The following BRMS1 variants were observed in gnomAD, a reference collection of about 807,000 sequenced individuals.
The protein encoded by BRMS1 is BRMS1 transcriptional repressor and anoikis regulator.
BRMS1 carries 26 observed loss-of-function variants against 40.4 expected under a neutral mutation model. The observed-to-expected ratio is 0.64, with a 90% CI of 0.47 to 0.89. The LOEUF is 0.89. BRMS1 is among the 40% of genes least tolerant of loss of function. The probability of loss-of-function intolerance (pLI) is 0.00; values close to 1 mark genes in which losing one functional copy is unlikely to be tolerated. For missense variants in BRMS1, 289 were observed against 309.4 expected, an observed-to-expected ratio of 0.93 and a Z score of 0.49; for synonymous variants, 103 against 116.0, an observed-to-expected ratio of 0.89 and a Z score of 0.72.
At chr11:66,342,066 G>GTGTGTA (rs771494290) in intron 2 of BRMS1, 30 bp downstream of exon 2, 4 of 1,605,274 alleles carry the variant, frequency 2.5e-6, no homozygotes, top group Non-Finnish European at 3.4e-6. Context: ...CTGTGTGTGT[G>GTGTGTA]TGTGTGTGTC....
chr11:66,340,880 G>T lies in BRMS1; in HGVS notation c.439-10C>A. The T allele has an allele frequency of 6.2e-7, 1 of 1,613,978 alleles. No individual in the cohort carries two copies. The highest frequency in any genetic ancestry group is 8.5e-7 in the Non-Finnish European group (1 of 1,179,928). On this transcript the variant is annotated splice_polypyrimidine_tract_variant and intron_variant, in intron 5 of 9. Transcript: ENST00000359957. ...GCAGCAGCTTCTCACTCTGGAAGAG[G>T]GGGCAATAGCTCAGCAGGACGGATG...
chr11:66,342,231 G>C lies in BRMS1; in HGVS notation c.4C>G (p.Pro2Ala), dbSNP rs772080474. Residue 2 changes from proline to alanine, a missense_variant, in exon 2 of 10, where the codon CCT becomes GCT. Transcript: ENST00000359957. ...GTGTCTTTGCTTGGAGGCTGGACAG[G>C]CATCTGGACTCTGGGAGAAGGAATG... is the stretch of plus-strand genomic sequence containing the variant. M[P>A]VQPPSKDTEE... 3 of 1,612,774 alleles carry C rather than the reference G, an allele frequency of 1.9e-6. No individual in the cohort carries two copies. In the South Asian group the frequency reaches 3.3e-5, roughly 18 times the overall value.
intron 6 of BRMS1, 62 bp downstream of exon 6, chr11:66,340,708 CCCAA>C: frequency 7.3e-7 from 1 of 1,377,264 alleles, no homozygotes; most frequent in Non-Finnish European, 1.0e-6. Context: ...ACATCTGAAG[CCCAA>C]AGAGGGGTGG....
chr11:66,340,716 G>A (rs569385160), intron 6 of BRMS1, 58 bp downstream of exon 6: 2 of 1,425,370 alleles, frequency 1.4e-6, no homozygotes, highest in East Asian at 2.4e-5. Flanking sequence ...AGCCCAAAGA[G>A]GGGTGGGCGT....
At chr11:66,337,922 C>T (rs768863303) in intron 9 of BRMS1, 33 bp from the exon 10 acceptor site, 1 of 1,593,730 alleles carries the variant, frequency 6.3e-7, no homozygotes. Context: ...AAACTGTCAC[C>T]AGTTAGGAAG....
chr11:66,337,600 G>T lies in BRMS1; in HGVS notation c.*282C>A. 1 of 1,268,782 alleles carries T rather than the reference G, an allele frequency of 7.9e-7. No homozygotes were observed. The highest frequency in any genetic ancestry group is 1.1e-6 in the Non-Finnish European group (1 of 927,468). The allele number at this position is 1,268,782 out of a possible 1,614,324, so 78.6% of individuals were successfully genotyped here. On this transcript the variant is annotated 3_prime_UTR_variant, in exon 10 of 10. Transcript: ENST00000359957. ...CTTCTCTGTCAGGGGAGCCCCAAGAGATGGATCTTCAGGAGTGGGAGGTGG... is the reference window on the plus strand; with the variant it reads ...CTTCTCTGTCAGGGGAGCCCCAAGATATGGATCTTCAGGAGTGGGAGGTGG...
Position 66,341,782 on chromosome 11 carries a change from C to T in BRMS1, c.140-159G>A, listed in dbSNP as rs1477214164. On this transcript the variant is annotated intron_variant, in intron 2 of 9. Coordinates refer to ENST00000359957, the MANE Select transcript of BRMS1 (RefSeq NM_015399.4). The surrounding 1 kb of genome is among the most constrained non-coding windows in gnomAD (Gnocchi z 4.9). ...CTTGTGTGAAGGGGCTGTGTGTGTG[C>T]GTGTGTGCTTGTGTGTAGGGGCTGT... Among the ~76,000 whole-genome samples the T allele has an allele frequency of 2.8e-5, 4 of 144,912 alleles. No homozygotes were observed. The highest frequency in any genetic ancestry group is 1.0e-4 in the African/African-American group (4 of 38,774).
At chr11:66,340,261 C>A in intron 6 of BRMS1, 48 bp from the exon 7 acceptor site, 2 of 1,523,444 alleles carry the variant, frequency 1.3e-6, no homozygotes, top group Non-Finnish European at 1.8e-6. Flanking sequence ...CCACAGGATA[C>A]TCCCTTTTCT....
At chr11:66,339,378 T>TGG (rs1449119062) in intron 7 of BRMS1, among the ~76,000 whole-genome samples, 1 of 151,894 alleles carries the variant, frequency 6.6e-6, no homozygotes, top group Non-Finnish European at 1.5e-5. Flanking sequence ...TAGGAAGGGG[T>TGG]GGAGGCAGCC....
chr11:66,341,315 C>T lies in BRMS1; in HGVS notation c.249G>A (p.Leu83=). The change falls in exon 4 of 10, where the codon CTG becomes CTA. Residue 83 remains leucine, a synonymous_variant. Coordinates refer to ENST00000359957, the MANE Select transcript of BRMS1 (RefSeq NM_015399.4). This position sits in a 1 kb window ranked among gnomAD's most constrained non-coding sequence, Gnocchi z 4.9. The part of the protein sequence containing the change: ...ELKEKLFRER[L]SQLRLRLEEV... ...CCTCCAGCCGCAACCGCAGCTGACT[C>T]AGTCGTTCCCTGAACAACCTGCGTG... 1 of 1,613,054 alleles carries T rather than the reference C, an allele frequency of 6.2e-7. No individual in the cohort carries two copies. The highest frequency in any genetic ancestry group is 1.1e-5 in the South Asian group (1 of 91,050).
At chr11:66,338,891 G>T in intron 7 of BRMS1, 106 bp from the exon 8 acceptor site, 2 of 1,198,102 alleles carry the variant, frequency 1.7e-6, no homozygotes, top group Non-Finnish European at 2.3e-6. Flanking sequence ...TGGAGTGGGA[G>T]CTGAGGACCT....
chr11:66,338,292 T>A lies in BRMS1; in HGVS notation c.694-10A>T. 1 of 1,607,034 alleles carries A rather than the reference T, an allele frequency of 6.2e-7. No individual in the cohort carries two copies. The highest frequency in any genetic ancestry group is 1.1e-5 in the South Asian group (1 of 89,616). ...ACACAGCTGCCCTAGCCTGGGTGGG[T>A]GAGAAGAAAAGCTCCCCTGAGAGCC... On this transcript the variant is annotated splice_polypyrimidine_tract_variant and intron_variant, in intron 8 of 9. Coordinates refer to ENST00000359957, the MANE Select transcript of BRMS1 (RefSeq NM_015399.4).
rs181277867 is a variant in BRMS1, at chr11:66,343,387, C to A, written c.-7-1146G>T. 1.1e-3 allele frequency among the ~76,000 whole-genome samples: 174 copies of A among 152,318 alleles called. 2 individuals carry two copies. Among genetic ancestry groups the A allele is most frequent in the Non-Finnish European group, 4.4e-4 (30 of 68,022 alleles). On this transcript the variant is annotated intron_variant, in intron 1 of 9. Coordinates refer to ENST00000359957, the MANE Select transcript of BRMS1 (RefSeq NM_015399.4). The stretch of plus-strand genomic sequence containing the variant: ...CTAACATATGCTAGGTACCGTCAGA[C>A]GCTATGGTATGCAGGCGCCCAAGTG...
rs1363304016 is a variant in BRMS1 at position 66,342,676 on chromosome 11, C to T, written c.-7-435G>A. Among the ~76,000 whole-genome samples the T allele has an allele frequency of 3.9e-5, 6 of 152,346 alleles. No homozygotes were observed. The South Asian group carries it at 1.2e-3, about 32-fold the overall frequency. On this transcript the variant is annotated intron_variant, in intron 1 of 9. Coordinates refer to ENST00000359957, the MANE Select transcript of BRMS1 (RefSeq NM_015399.4). The stretch of plus-strand genomic sequence containing the variant: ...CCTCCTCCTGGGTTCAAGCGATTCT[C>T]CTGCCTCAGCCTCCTGAGTAGTGAG...
At chr11:66,338,821 C>T in intron 7 of BRMS1, 36 bp from the exon 8 acceptor site, 1 of 1,516,326 alleles carries the variant, frequency 6.6e-7, no homozygotes, top group Non-Finnish European at 8.8e-7. Context: ...GTGGAGGTGG[C>T]AGGTGACGAG....
intron 1 of BRMS1, among the ~76,000 whole-genome samples, chr11:66,344,105 A>C (rs557519813): frequency 1.3e-5 from 2 of 152,308 alleles, no homozygotes; most frequent in East Asian, 3.9e-4. Context: ...GCCTGTTCTC[A>C]TATCTGTCCC....
In BRMS1 at chr11:66,341,143, GA is replaced by G; in HGVS notation, c.358+62del. ...AGGGCAAGGCCGGGCAGGAACGAGA[GA>G]GGAAGGGGACAGGGTGCCACGGGTT... On this transcript the variant is annotated intron_variant, in intron 4 of 9. Transcript: ENST00000359957. The surrounding 1 kb of genome is among the most constrained non-coding windows in gnomAD (Gnocchi z 4.9). 6.2e-7 allele frequency: 1 copy of G among 1,612,460 alleles called. No homozygotes were observed. The highest frequency in any genetic ancestry group is 8.5e-7 in the Non-Finnish European group (1 of 1,179,046).
At chr11:66,340,682 T>TC (rs1247456722) in intron 6 of BRMS1, 92 bp downstream of exon 6, 16 of 1,101,820 alleles carry the variant, frequency 1.5e-5, no homozygotes, top group Non-Finnish European at 1.8e-5. Context: ...CCTCTGGCTG[T>TC]CCCCTTGACT....
chr11:66,340,920 C>T, intron 5 of BRMS1, 47 bp downstream of exon 5: 4 of 1,613,432 alleles, frequency 2.5e-6, no homozygotes, highest in South Asian at 2.2e-5. Flanking sequence ...GAGGCCACTT[C>T]AGGCTTTGTG....
Sources: allele counts gnomAD v4.1 joint callset (sites outside exome capture counted in the v4.1 genomes callset), GRCh38; gene constraint gnomAD v4.1.1; non-coding constraint Gnocchi (gnomAD v3.1); transcripts MANE v1.5; gene names NCBI Gene and HGNC (gene_info 2026-07-23, HGNC 2026-07-21).